ARF4: variants seen among roughly 807,000 people sequenced by gnomAD.
The protein encoded by ARF4 is ARF GTPase 4, also known as ADP-ribosylation factor 4.
ARF4 carries 5 observed loss-of-function variants against 24.3 expected under a neutral mutation model. The ratio of observed to expected loss-of-function variants is 0.21; its 90% CI spans 0.11 to 0.43. The LOEUF is 0.43. Among genes scored for constraint, ARF4 ranks in the 20% least tolerant of loss-of-function variants. The pLI is 1.00. For synonymous variants in ARF4, 62 were observed against 73.5 expected, an observed-to-expected ratio of 0.84 and a Z score of 0.80; for missense variants, 107 against 213.0, an observed-to-expected ratio of 0.50 and a Z score of 3.10.
At chr3:57,584,274 T>G in intron 2 of ARF4, 110 bp downstream of exon 2, 1 of 1,091,834 alleles carries the variant, frequency 9.2e-7, no homozygotes, top group East Asian at 2.4e-5. Flanking sequence ...GTTTTAAAAG[T>G]ACTTCTAAGA....
At chr3:57,575,478 T>C in intron 5 of ARF4, 70 bp downstream of exon 5, 1 of 1,444,958 alleles carries the variant, frequency 6.9e-7, no homozygotes, top group South Asian at 1.4e-5. Flanking sequence ...TTAAACTGAA[T>C]ATTAGCTTAC....
chr3:57,572,192 G>C lies in ARF4; in HGVS notation c.*20C>G, dbSNP rs2069849831. 7 of 1,591,610 alleles carry C rather than the reference G, an allele frequency of 4.4e-6. No homozygotes were observed. The highest frequency in any genetic ancestry group is 6.0e-6 in the Non-Finnish European group (7 of 1,159,878). On this transcript the variant is annotated 3_prime_UTR_variant, in exon 6 of 6. Coordinates refer to ENST00000303436, the MANE Select transcript of ARF4 (RefSeq NM_001660.4). The stretch of plus-strand genomic sequence containing the variant: ...GACCAATTTTATCAAACATGTCCTT[G>C]GTTAGATATCCAATTTCATTTAACG...
At chr3:57,580,478 T>A (rs974010558) in intron 3 of ARF4, among the ~76,000 whole-genome samples, 1 of 152,142 alleles carries the variant, frequency 6.6e-6, no homozygotes, top group African/African-American at 2.4e-5. Flanking sequence ...TGTAGCTCAC[T>A]TCAGCCTCCA....
At chr3:57,589,574 T>G (rs1326788971) in intron 1 of ARF4, among the ~76,000 whole-genome samples, 1 of 147,946 alleles carries the variant, frequency 6.8e-6, no homozygotes, top group Non-Finnish European at 1.5e-5. Context: ...AAAAATTAGC[T>G]AGGCGTGGTG....
In ARF4 at chr3:57,572,188, C is replaced by G. The variant is rs767180500; in HGVS notation, c.*24G>C. 1 of 1,587,988 alleles carries G rather than the reference C, an allele frequency of 6.3e-7. No homozygotes were observed. Among genetic ancestry groups the G allele is most frequent in the East Asian group, 2.2e-5 (1 of 44,756 alleles). On this transcript the variant is annotated 3_prime_UTR_variant, in exon 6 of 6. Coordinates refer to ENST00000303436, the MANE Select transcript of ARF4 (RefSeq NM_001660.4). The stretch of plus-strand genomic sequence containing the variant: ...CCTAGACCAATTTTATCAAACATGT[C>G]CTTGGTTAGATATCCAATTTCATTT...
intron 1 of ARF4, 145 bp downstream of exon 1, chr3:57,596,929 C>T (rs1479400786): frequency 1.3e-6 from 1 of 783,940 alleles, no homozygotes; most frequent in African/African-American, 1.8e-5. Flanking sequence ...CTCCATTGTT[C>T]CCCCTTAAGA....
At chr3:57,578,890 AG>A (rs145241901) in intron 3 of ARF4, among the ~76,000 whole-genome samples, 20,367 of 150,256 alleles carry the variant, frequency 0.14, 1,449 homozygotes, top group South Asian at 0.21. Flanking sequence ...CAGCTAGAAA[AG>A]GGGGGGGGCA....
intron 1 of ARF4, 187 bp downstream of exon 1, chr3:57,596,887 G>A: frequency 1.6e-6 from 1 of 609,936 alleles, no homozygotes; most frequent in Non-Finnish European, 2.9e-6. Context: ...TCTGGCGACA[G>A]ATCGGGGGCG....
intron 3 of ARF4, among the ~76,000 whole-genome samples, chr3:57,582,286 A>G (rs2069983479): frequency 1.3e-5 from 2 of 151,548 alleles, no homozygotes; most frequent in Non-Finnish European, 2.9e-5. Flanking sequence ...TTTGTCACCC[A>G]TGCTGGAGTG....
At chr3:57,572,369 A>C in intron 5 of ARF4, 71 bp from the exon 6 acceptor site, 1 of 1,176,496 alleles carries the variant, frequency 8.5e-7, no homozygotes, top group Non-Finnish European at 1.3e-6. Context: ...AAACTTTCTT[A>C]ATCAAACTTA....
At chr3:57,579,708 A>T (rs906917508) in intron 3 of ARF4, among the ~76,000 whole-genome samples, 10 of 152,210 alleles carry the variant, frequency 6.6e-5, no homozygotes, top group African/African-American at 2.4e-4. Flanking sequence ...GCAAATTGTA[A>T]GTCCATTTCC....
chr3:57,589,938 A>C (rs1198332600), intron 1 of ARF4, among the ~76,000 whole-genome samples: 1 of 147,654 alleles, frequency 6.8e-6, no homozygotes, highest in Non-Finnish European at 1.5e-5. Context: ...TAAAAATACA[A>C]AAATTAGCCA....
chr3:57,590,004 T>C (rs541324170), intron 1 of ARF4, among the ~76,000 whole-genome samples: 128 of 149,694 alleles, frequency 8.6e-4, no homozygotes, highest in Non-Finnish European at 1.6e-3. Flanking sequence ...GGCAGGAGAA[T>C]TGCTTGAACC....
chr3:57,573,805 C>T (rs1316163676), intron 5 of ARF4, among the ~76,000 whole-genome samples: 1 of 152,180 alleles, frequency 6.6e-6, no homozygotes, highest in Non-Finnish European at 1.5e-5. Flanking sequence ...TGGTCTCGAA[C>T]TCCTGGTCTC....
intron 4 of ARF4, among the ~76,000 whole-genome samples, chr3:57,576,228 T>A (rs1178657070): frequency 6.6e-6 from 1 of 152,090 alleles, no homozygotes; most frequent in Non-Finnish European, 1.5e-5. Context: ...AAAAAATCAG[T>A]CACAAAAGAA....
At chr3:57,583,808 C>A (rs1247556379) in intron 3 of ARF4, 90 bp downstream of exon 3, 1 of 885,972 alleles carries the variant, frequency 1.1e-6, no homozygotes, top group Admixed American at 2.5e-5. Flanking sequence ...ATAGTAAACA[C>A]CAATATCCAA....
Position 57,597,240 on chromosome 3 carries a change from A to G in ARF4, c.-100T>C. The G allele has an allele frequency of 8.4e-7, 1 of 1,188,002 alleles. No individual in the cohort carries two copies. Among genetic ancestry groups the G allele is most frequent in the South Asian group, 1.3e-5 (1 of 76,404 alleles). 73.6% of individuals were successfully genotyped at this position (1,188,002 alleles called of 1,614,324 possible). On this transcript the variant is annotated 5_prime_UTR_variant, in exon 1 of 6. Transcript: ENST00000303436. ...CCAGGCAAACTAAACGAGAGGGAAG[A>G]GAAAGAGCGGAGGAAGAAAGAGGGA...
intron 1 of ARF4, among the ~76,000 whole-genome samples, chr3:57,584,705 G>A (rs1393196642): frequency 6.6e-6 from 1 of 152,118 alleles, no homozygotes; most frequent in South Asian, 2.1e-4. Flanking sequence ...CAAGTATGTA[G>A]CTGACTTAGG....
At chr3:57,576,825 G>C (rs1383803698) in intron 4 of ARF4, among the ~76,000 whole-genome samples, 1 of 151,992 alleles carries the variant, frequency 6.6e-6, no homozygotes, top group African/African-American at 2.4e-5. Flanking sequence ...ACTTTCAGAA[G>C]GAATTCCTTA....
Sources: allele counts gnomAD v4.1 joint callset (sites outside exome capture counted in the v4.1 genomes callset), GRCh38; gene constraint gnomAD v4.1.1; transcripts MANE v1.5; gene names NCBI Gene and HGNC (gene_info 2026-07-23, HGNC 2026-07-21).